POU6F2: variants seen among roughly 807,000 people sequenced by gnomAD.
POU6F2 encodes the protein POU class 6 homeobox 2, also known as POU domain, class 6, transcription factor 2.
Under a neutral mutation model 71.3 loss-of-function variants are expected in POU6F2, and 31 were observed. The observed-to-expected ratio is 0.43, with a 90% CI of 0.33 to 0.59. POU6F2 has a LOEUF of 0.59. Ranked by LOEUF, POU6F2 falls within the 20% of genes least tolerant of loss-of-function variation. The pLI, the probability that POU6F2 is intolerant of heterozygous loss-of-function variation, is 0.04. For synonymous variants in POU6F2, 347 were observed against 355.7 expected, an observed-to-expected ratio of 0.98 and a Z score of 0.27; for missense variants, 783 against 856.8, an observed-to-expected ratio of 0.91 and a Z score of 1.07.
intron 4 of POU6F2, among the ~76,000 whole-genome samples, chr7:39,250,104 C>T (rs777741290): frequency 4.6e-5 from 7 of 152,128 alleles, no homozygotes; most frequent in African/African-American, 1.4e-4. Context: ...CTTGGCAGCC[C>T]GCGTGCAATT....
At chr7:39,254,136 G>A (rs976275639) in intron 4 of POU6F2, among the ~76,000 whole-genome samples, 2 of 152,168 alleles carry the variant, frequency 1.3e-5, no homozygotes, top group Non-Finnish European at 2.9e-5. Flanking sequence ...CCAGAGATAG[G>A]CACTGGATTT....
chr7:39,355,996 G>A (rs945356654), intron 5 of POU6F2, among the ~76,000 whole-genome samples: 1 of 152,128 alleles, frequency 6.6e-6, no homozygotes, highest in Admixed American at 6.5e-5. Flanking sequence ...CCCCTGGTCA[G>A]AGAAGTCAGG....
intron 5 of POU6F2, among the ~76,000 whole-genome samples, chr7:39,348,200 G>T (rs1170845182): frequency 1.9e-5 from 2 of 106,990 alleles, no homozygotes; most frequent in Non-Finnish European, 4.6e-5. Context: ...CAAAGTTGTG[G>T]TTTTTAGTAT....
chr7:39,163,849 C>A (rs146405415), intron 2 of POU6F2, among the ~76,000 whole-genome samples: 97 of 152,208 alleles, frequency 6.4e-4, no homozygotes, highest in African/African-American at 2.3e-3. Context: ...AGCAGGAAAT[C>A]TTGTCATTTG....
rs117248775 is a variant in POU6F2 at position 38,999,502 on chromosome 7, C to T, written c.105+21444C>T. On this transcript the variant is annotated intron_variant, in intron 1 of 9. Transcript: ENST00000518318. ...TTAGTATTTCTGTATGTGGTGTCAA[C>T]TTTCATGTCATAATATACTATATGT... 8.0e-3 allele frequency among the ~76,000 whole-genome samples: 1,215 copies of T among 152,262 alleles called. 11 individuals carry two copies. The highest frequency in any genetic ancestry group is 0.014 in the Non-Finnish European group (924 of 68,028).
At position 39,074,436 on chromosome 7, in the gene POU6F2, C is replaced by A. The variant is rs771044804; in HGVS notation, c.106-11424C>A. Among the ~76,000 whole-genome samples the A allele has an allele frequency of 2.6e-5, 4 of 151,792 alleles. 1 individual carries two copies. The highest frequency in any genetic ancestry group is 2.9e-5 in the Non-Finnish European group (2 of 67,976). On this transcript the variant is annotated intron_variant, in intron 1 of 9. Coordinates refer to ENST00000518318, the MANE Select transcript of POU6F2 (RefSeq NM_001370959.1). Reference sequence around the variant, plus strand: ...CAGAGGTTGCAGTGAGCCGAGATCACGCCACTGCACTCCAGCCTGGACGAC... The same window carrying A: ...CAGAGGTTGCAGTGAGCCGAGATCAAGCCACTGCACTCCAGCCTGGACGAC...
At chr7:39,356,067 G>C (rs775538158) in intron 5 of POU6F2, among the ~76,000 whole-genome samples, 1 of 152,106 alleles carries the variant, frequency 6.6e-6, no homozygotes, top group East Asian at 1.9e-4. Context: ...ACCTACTCTG[G>C]CCCCAAGGCA....
chr7:39,279,331 G>A (rs1411642390), intron 4 of POU6F2, among the ~76,000 whole-genome samples: 2 of 152,202 alleles, frequency 1.3e-5, no homozygotes, highest in African/African-American at 4.8e-5. Context: ...CCTAGGGGTT[G>A]CCATGCTGCT....
Position 39,467,371 on chromosome 7 carries a change from C to CAT in POU6F2, c.*2686_*2687dup, listed in dbSNP as rs1360782063. 2.0e-5 allele frequency: 3 copies of CAT among 152,158 alleles called. No individual in the cohort carries two copies. Among genetic ancestry groups the CAT allele is most frequent in the Admixed American group, 2.0e-4 (3 of 15,264 alleles). 9.4% of individuals were successfully genotyped at this position (152,158 alleles called of 1,614,324 possible). A position where few individuals can be genotyped will look rare whatever the true frequency, so the allele number is the denominator to read the frequency against. The stretch of plus-strand genomic sequence containing the variant: ...CACCTAATGCTTAATTTTATGATGA[C>CAT]ATTTCTCATGTCTACTTGTAAACAA... On this transcript the variant is annotated 3_prime_UTR_variant, in exon 10 of 10. Coordinates refer to ENST00000518318, the MANE Select transcript of POU6F2 (RefSeq NM_001370959.1).
intron 4 of POU6F2, among the ~76,000 whole-genome samples, chr7:39,251,043 A>G (rs919256365): frequency 6.6e-6 from 1 of 152,242 alleles, no homozygotes; most frequent in Non-Finnish European, 1.5e-5. Flanking sequence ...CTTCTGCAGC[A>G]TCTAATTAAG....
At chr7:39,145,265 G>A (rs186674346) in intron 2 of POU6F2, among the ~76,000 whole-genome samples, 7 of 152,248 alleles carry the variant, frequency 4.6e-5, no homozygotes, top group Non-Finnish European at 2.9e-5. Flanking sequence ...GTGAGACAAG[G>A]TACTATGCTT....
intron 2 of POU6F2, among the ~76,000 whole-genome samples, chr7:39,189,009 C>G (rs1041469886): frequency 6.6e-6 from 1 of 152,214 alleles, no homozygotes; most frequent in Non-Finnish European, 1.5e-5. Context: ...ATCCATACCT[C>G]CCACATGGTT....
At position 39,464,639 on chromosome 7, in the gene POU6F2, G is replaced by A; in HGVS notation, c.2116G>A (p.Ala706Thr). 1 of 1,608,600 alleles carries A rather than the reference G, an allele frequency of 6.2e-7. No homozygotes were observed. The highest frequency in any genetic ancestry group is 8.5e-7 in the Non-Finnish European group (1 of 1,177,596). ...KRLKQHEPAT[A>T]VPLEPLTDSL... ...CTTAAAACAGCACGAGCCGGCCACG[G>A]CAGTCCCTTTGGAGCCCTTAACAGA... The change falls in exon 10 of 10, where the codon GCA becomes ACA. Residue 706 changes from alanine (A) to threonine (T), a missense_variant. Ala to Thr is a moderately conservative substitution (Grantham distance 58). Transcript: ENST00000518318. The surrounding 1 kb of genome is among the most constrained non-coding windows in gnomAD (Gnocchi z 4.1).
intron 1 of POU6F2, among the ~76,000 whole-genome samples, chr7:39,006,096 C>T (rs1343845862): frequency 2.6e-5 from 4 of 152,164 alleles, no homozygotes; most frequent in Admixed American, 6.5e-5. Context: ...GGGGCCCAGT[C>T]TAACAGTGTT....
chr7:39,054,095 C>G (rs1013359397), intron 1 of POU6F2, among the ~76,000 whole-genome samples: 3 of 151,480 alleles, frequency 2.0e-5, no homozygotes, highest in Non-Finnish European at 4.4e-5. Context: ...GAGCAAGACT[C>G]CATCTCCAAA....
intron 2 of POU6F2, among the ~76,000 whole-genome samples, chr7:39,156,736 G>T (rs2128735693): frequency 6.6e-6 from 1 of 152,280 alleles, no homozygotes; most frequent in South Asian, 2.1e-4. Context: ...AAGCATGCAA[G>T]ATCATTCAGG....
rs558972532 is a variant in POU6F2, at chr7:39,338,717, T to C, written c.599-925T>C. Among the ~76,000 whole-genome samples the C allele has an allele frequency of 5.9e-5, 9 of 152,356 alleles. No individual in the cohort carries two copies. The South Asian group carries it at 1.9e-3, about 32-fold the overall frequency. ...GATTTAGGCAAAAAAGAAAGTGAACTTGGTTTTTAGCCGTAAATTTCTCTA... is the reference window on the plus strand; with the variant it reads ...GATTTAGGCAAAAAAGAAAGTGAACCTGGTTTTTAGCCGTAAATTTCTCTA... On this transcript the variant is annotated intron_variant, in intron 4 of 9. Coordinates refer to ENST00000518318, the MANE Select transcript of POU6F2 (RefSeq NM_001370959.1).
chr7:39,027,889 G>A (rs1789849263), intron 1 of POU6F2, among the ~76,000 whole-genome samples: 1 of 152,082 alleles, frequency 6.6e-6, no homozygotes, highest in Non-Finnish European at 1.5e-5. Flanking sequence ...TGGGGTACAA[G>A]TATACTCAAA....
At chr7:39,389,931 C>T (rs962400026) in intron 5 of POU6F2, among the ~76,000 whole-genome samples, 4 of 152,178 alleles carry the variant, frequency 2.6e-5, no homozygotes, top group South Asian at 2.1e-4. Flanking sequence ...CTGCTGAGAA[C>T]CACTTTATAG....
Sources: allele counts gnomAD v4.1 joint callset (sites outside exome capture counted in the v4.1 genomes callset), GRCh38; gene constraint gnomAD v4.1.1; non-coding constraint Gnocchi (gnomAD v3.1); transcripts MANE v1.5; gene names NCBI Gene and HGNC (gene_info 2026-07-23, HGNC 2026-07-21).